The following SVEP1 variants were observed in gnomAD, a reference collection of about 807,000 sequenced individuals.
The protein encoded by SVEP1 is sushi, von Willebrand factor type A, EGF and pentraxin domain-containing protein 1.
In SVEP1, 164 loss-of-function variants were observed where a neutral mutation model predicts 367.3. The ratio of observed to expected loss-of-function variants is 0.45; its 90% CI spans 0.39 to 0.51. The LOEUF is 0.51. Among genes scored for constraint, SVEP1 ranks in the 20% least tolerant of loss-of-function variants. The pLI is 0.00. For synonymous variants in SVEP1, 1,666 were observed against 1,611.6 expected, an observed-to-expected ratio of 1.03 and a Z score of -0.81; for missense variants, 4,117 against 4,425.3, an observed-to-expected ratio of 0.93 and a Z score of 1.98.
chr9:110,391,860 C>T (rs1827660464), intron 40 of SVEP1, among the ~76,000 whole-genome samples: 1 of 151,948 alleles, frequency 6.6e-6, no homozygotes, highest in Admixed American at 6.6e-5. Context: ...ATTGCCCTCG[C>T]CAATGTGGAG....
intron 41 of SVEP1, among the ~76,000 whole-genome samples, chr9:110,387,731 C>T (rs908726097): frequency 6.6e-6 from 1 of 152,098 alleles, no homozygotes; most frequent in African/African-American, 2.4e-5. Flanking sequence ...TATGGATGAG[C>T]AGGTGGGTAA....
At chr9:110,487,472 G>A (rs1190307522) in intron 9 of SVEP1, among the ~76,000 whole-genome samples, 1 of 152,092 alleles carries the variant, frequency 6.6e-6, no homozygotes, top group Admixed American at 6.6e-5. Context: ...CACTGAAAAA[G>A]GAATTTTTAA....
At chr9:110,520,631 A>G (rs1321597589) in intron 3 of SVEP1, among the ~76,000 whole-genome samples, 1 of 152,208 alleles carries the variant, frequency 6.6e-6, no homozygotes, top group African/African-American at 2.4e-5. Flanking sequence ...TAAAACACAA[A>G]GAAATCTCTA....
chr9:110,556,901 T>C (rs1830363703), intron 1 of SVEP1, among the ~76,000 whole-genome samples: 2 of 152,198 alleles, frequency 1.3e-5, no homozygotes, highest in South Asian at 4.1e-4. Context: ...TGACAGCTAT[T>C]CTCCAAGGGG....
rs552519364 is a variant in SVEP1 at position 110,534,650 on chromosome 9, G to A, written c.964+11465C>T. ...TAATTTACATTTCCACCCACAGTGT[G>A]TAAGTGTTCCCTTTTCTCAGCAATC... On this transcript the variant is annotated intron_variant, in intron 3 of 47. Transcript: ENST00000374469. Among the ~76,000 whole-genome samples, 3 of 152,220 alleles carry A rather than the reference G, an allele frequency of 2.0e-5. No individual in the cohort carries two copies. The South Asian group carries it at 6.2e-4, about 32-fold the overall frequency.
intron 18 of SVEP1, 66 bp downstream of exon 18, chr9:110,465,799 T>C: frequency 1.3e-6 from 2 of 1,529,782 alleles, no homozygotes; most frequent in Non-Finnish European, 8.9e-7. Flanking sequence ...GCAGAAAATA[T>C]GCCACTCCTT....
chr9:110,453,348 A>G (rs1307684527), intron 22 of SVEP1, among the ~76,000 whole-genome samples: 3 of 152,092 alleles, frequency 2.0e-5, no homozygotes, highest in African/African-American at 7.2e-5. Flanking sequence ...CAATATTATA[A>G]TAATTATAAT....
chr9:110,540,624 G>A (rs1013327149), intron 3 of SVEP1, among the ~76,000 whole-genome samples: 1 of 152,096 alleles, frequency 6.6e-6, no homozygotes, highest in African/African-American at 2.4e-5. Flanking sequence ...AAAAGCACAT[G>A]ATTAACTTGA....
At chr9:110,493,321 G>T (rs993594402) in intron 8 of SVEP1, among the ~76,000 whole-genome samples, 14 of 152,016 alleles carry the variant, frequency 9.2e-5, no homozygotes, top group Non-Finnish European at 2.1e-4. Context: ...TACAAAGAGG[G>T]CCACACAGCC....
At chr9:110,415,852 A>C (rs1828112659) in intron 36 of SVEP1, among the ~76,000 whole-genome samples, 1 of 152,036 alleles carries the variant, frequency 6.6e-6, no homozygotes, top group Non-Finnish European at 1.5e-5. Context: ...GCTATGGTTG[A>C]CCTTGGATTA....
At position 110,512,931 on chromosome 9, in the gene SVEP1, C is replaced by T; in HGVS notation, c.1298G>A (p.Cys433Tyr). The change falls in exon 5 of 48, where the codon TGC becomes TAC. Residue 433 changes from cysteine to tyrosine, a missense_variant. Cys to Tyr is a radical substitution (Grantham distance 194). This residue lies in a region of SVEP1 where 2,174 missense variants were observed against 2,494.3 expected (regional missense o/e 0.87). Coordinates refer to ENST00000374469, the MANE Select transcript of SVEP1 (RefSeq NM_153366.4). ...NGLWSGSESY[C>Y]RVRTCPHLRQ... Reference sequence around the variant, plus strand: ...TAAATTGGCAGTTTGCATACCTCTGCAGTAGCTCTCTGAACCGGACCACAA... The same window carrying T: ...TAAATTGGCAGTTTGCATACCTCTGTAGTAGCTCTCTGAACCGGACCACAA... The T allele has an allele frequency of 6.2e-7, 1 of 1,613,946 alleles. No homozygotes were observed. Among genetic ancestry groups the T allele is most frequent in the Non-Finnish European group, 8.5e-7 (1 of 1,179,866 alleles).
At chr9:110,495,716 C>G (rs572225639) in intron 8 of SVEP1, among the ~76,000 whole-genome samples, 1 of 150,118 alleles carries the variant, frequency 6.7e-6, no homozygotes, top group African/African-American at 2.4e-5. Flanking sequence ...TATATGAATA[C>G]TAACCATGTA....
At chr9:110,515,667 A>G (rs144441174) in intron 3 of SVEP1, among the ~76,000 whole-genome samples, 22 of 152,266 alleles carry the variant, frequency 1.4e-4, no homozygotes, top group African/African-American at 5.3e-4. Flanking sequence ...GCATTACAAG[A>G]TTAATACTAT....
At chr9:110,529,147 T>C (rs1452401692) in intron 3 of SVEP1, among the ~76,000 whole-genome samples, 6 of 152,096 alleles carry the variant, frequency 3.9e-5, no homozygotes, top group Admixed American at 3.3e-4. Context: ...TTCCCCAGTG[T>C]GTATATTTTT....
intron 8 of SVEP1, among the ~76,000 whole-genome samples, chr9:110,496,004 G>T (rs1829440448): frequency 6.6e-6 from 1 of 152,130 alleles, no homozygotes; most frequent in Non-Finnish European, 1.5e-5. Flanking sequence ...AAAGGGCAAA[G>T]AATTCTTCGT....
At chr9:110,466,750 G>C (rs1828943505) in intron 17 of SVEP1, among the ~76,000 whole-genome samples, 1 of 10,684 alleles carries the variant, frequency 9.4e-5, no homozygotes, top group Non-Finnish European at 1.6e-4. Context: ...GACAGAGCGA[G>C]ACTCCATCTC....
At position 110,435,263 on chromosome 9, in the gene SVEP1, A is replaced by C. The variant is rs750196087; in HGVS notation, c.4866T>G (p.Asp1622Glu). The C allele has an allele frequency of 6.2e-7, 1 of 1,613,326 alleles. No individual in the cohort carries two copies. Among genetic ancestry groups the C allele is most frequent in the South Asian group, 1.1e-5 (1 of 91,078 alleles). Reference sequence around the variant, plus strand: ...CACCAGAACAAAATATGCTCTTAGAATCGATCTTCACTTTCCCCACAATTC... The same window carrying C: ...CACCAGAACAAAATATGCTCTTAGACTCGATCTTCACTTTCCCCACAATTC... Reference protein sequence around the residue: ...LSGIVGKVKIDSKSIFCSDCP... With the variant: ...LSGIVGKVKIESKSIFCSDCP... Residue 1622 changes from aspartate to glutamate, a missense_variant, in exon 29 of 48, where the codon GAT becomes GAG. Physicochemically the swap from Asp to Glu is conservative, Grantham distance 45 (BLOSUM62 2). This residue lies in a region of SVEP1 where 2,174 missense variants were observed against 2,494.3 expected (regional missense o/e 0.87). Coordinates refer to ENST00000374469, the MANE Select transcript of SVEP1 (RefSeq NM_153366.4).
intron 3 of SVEP1, among the ~76,000 whole-genome samples, chr9:110,526,061 T>A (rs1291951452): frequency 6.6e-6 from 1 of 152,094 alleles, no homozygotes; most frequent in Non-Finnish European, 1.5e-5. Context: ...GATTTAAGTA[T>A]AAAATATAAA....
At chr9:110,571,853 C>A (rs748899154) in intron 1 of SVEP1, among the ~76,000 whole-genome samples, 3 of 152,294 alleles carry the variant, frequency 2.0e-5, no homozygotes, top group South Asian at 4.1e-4. Context: ...CTACAATTTG[C>A]TAAGAGTAAG....
Sources: allele counts gnomAD v4.1 joint callset (sites outside exome capture counted in the v4.1 genomes callset), GRCh38; gene constraint gnomAD v4.1.1; regional missense constraint gnomAD v4.1.1; transcripts MANE v1.5; gene names NCBI Gene and HGNC (gene_info 2026-07-23, HGNC 2026-07-21).